FBF1: variants seen among roughly 807,000 people sequenced by gnomAD.
FBF1 encodes the protein Fas binding factor 1.
FBF1 carries 119 observed loss-of-function variants against 147.2 expected under a neutral mutation model. The ratio of observed to expected loss-of-function variants is 0.81; its 90% CI spans 0.70 to 0.94. FBF1 has a LOEUF of 0.94. Ranked by LOEUF, FBF1 falls within the 40% of genes least tolerant of loss-of-function variation. The pLI, the probability that FBF1 is intolerant of heterozygous loss-of-function variation, is 0.00. For synonymous variants in FBF1, 601 were observed against 609.0 expected (o/e 0.99, Z 0.19); for missense variants, 1,449 against 1,500.8 (o/e 0.97, Z 0.57).
Position 75,926,073 on chromosome 17 carries a change from CT to C in FBF1, c.824del (p.Glu275GlyfsTer7). ...TCTTGTCTAGCTTGAACTCCCTGTG[CT>C]CCCCGGTGCCCGGGCGGGCCAGGAG... ...TKLLARPGTG[E>X]HREFKLDKKY... On this transcript the variant is annotated frameshift_variant, in exon 12 of 30. Transcript: ENST00000636174. LOFTEE classifies it high-confidence loss of function. 6.2e-7 allele frequency: 1 copy of C among 1,612,612 alleles called. No homozygotes were observed. Among genetic ancestry groups the C allele is most frequent in the African/African-American group, 1.3e-5 (1 of 75,062 alleles).
intron 23 of FBF1, among the ~76,000 whole-genome samples, chr17:75,915,974 C>T (rs2065486350): frequency 7.2e-6 from 1 of 139,528 alleles, no homozygotes; most frequent in African/African-American, 2.8e-5. Flanking sequence ...CGCCACTACA[C>T]TACAGCCTGG....
Position 75,919,836 on chromosome 17 carries a change from C to G in FBF1, c.1970G>C (p.Arg657Pro), listed in dbSNP as rs764601669. The G allele has an allele frequency of 3.1e-6, 5 of 1,613,770 alleles. No homozygotes were observed. The highest frequency in any genetic ancestry group is 2.2e-5 in the South Asian group (2 of 91,092). The change falls in exon 20 of 30, where the codon CGG becomes CCG. Residue 657 changes from arginine to proline, a missense_variant. By Grantham distance (103) the Arg-to-Pro change is moderately radical. Transcript: ENST00000636174. The surrounding 1 kb of genome is among the most constrained non-coding windows in gnomAD (Gnocchi z 5.0). Reference protein sequence around the residue: ...IKVLETSYQQREERLRRENEE... With the variant: ...IKVLETSYQQPEERLRRENEE... ...GTTCTCTCTCCGGAGCCGCTCCTCC[C>G]GTTGCTGGTACGATGTTTCTAGCAC...
rs1237001131 is a variant in FBF1, at chr17:75,926,444, G to T, written c.596-18C>A. 2.0e-6 allele frequency: 3 copies of T among 1,536,420 alleles called. No homozygotes were observed. Among genetic ancestry groups the T allele is most frequent in the East Asian group, 2.3e-5 (1 of 43,928 alleles). Reference sequence around the variant, plus strand: ...AGAGGGACCTGAAAGACAAAACAAGGCCCAATGCCTGCAGCCTTCTTGCCC... The same window carrying T: ...AGAGGGACCTGAAAGACAAAACAAGTCCCAATGCCTGCAGCCTTCTTGCCC... On this transcript the variant is annotated intron_variant, in intron 10 of 29. Transcript: ENST00000636174.
Position 75,928,207 on chromosome 17 carries a change from G to C in FBF1, c.280-14C>G. On this transcript the variant is annotated splice_polypyrimidine_tract_variant and intron_variant, in intron 7 of 29. Coordinates refer to ENST00000636174, the MANE Select transcript of FBF1 (RefSeq NM_001319193.2). This position sits in a 1 kb window ranked among gnomAD's most constrained non-coding sequence, Gnocchi z 4.2. ...GCCGTCCAGGTCCTAGAAAACCAGGGAGGGAGGGCAGAGGACTATGTCTGA... is the reference window on the plus strand; with the variant it reads ...GCCGTCCAGGTCCTAGAAAACCAGGCAGGGAGGGCAGAGGACTATGTCTGA... 1.9e-6 allele frequency: 3 copies of C among 1,610,516 alleles called. No individual in the cohort carries two copies. The highest frequency in any genetic ancestry group is 2.5e-6 in the Non-Finnish European group (3 of 1,176,846).
At position 75,925,951 on chromosome 17, in the gene FBF1, T is replaced by A; in HGVS notation, c.868+79A>T. ...GTGTGTATCAGGATGTGAGGCTGAT[T>A]TCTCATTATAGGTTGTGATGAAAGC... On this transcript the variant is annotated intron_variant, in intron 12 of 29. Coordinates refer to ENST00000636174, the MANE Select transcript of FBF1 (RefSeq NM_001319193.2). This position sits in a 1 kb window ranked among gnomAD's most constrained non-coding sequence, Gnocchi z 5.0. The A allele has an allele frequency of 6.7e-7, 1 of 1,486,446 alleles. No homozygotes were observed. Among genetic ancestry groups the A allele is most frequent in the Admixed American group, 2.5e-5 (1 of 40,726 alleles). The allele number at this position is 1,486,446 out of a possible 1,614,324, so 92.1% of individuals were successfully genotyped here.
chr17:75,937,053 T>A (rs1410266855), intron 3 of FBF1, among the ~76,000 whole-genome samples: 4 of 152,120 alleles, frequency 2.6e-5, no homozygotes, highest in Admixed American at 6.6e-5. Context: ...AGGAGGAGGA[T>A]TTTTTCCAAA....
intron 7 of FBF1, 147 bp downstream of exon 7, chr17:75,929,850 G>C: frequency 2.8e-6 from 2 of 723,892 alleles, no homozygotes; most frequent in Non-Finnish European, 2.4e-6. Flanking sequence ...ACGGCTCACA[G>C]ACGAGTTCCA....
In FBF1 at chr17:75,920,060, C is replaced by G; in HGVS notation, c.1878G>C (p.Gly626=). The G allele has an allele frequency of 6.2e-7, 1 of 1,600,112 alleles. No individual in the cohort carries two copies. Among genetic ancestry groups the G allele is most frequent in the Non-Finnish European group, 8.5e-7 (1 of 1,173,934 alleles). Residue 626 remains glycine, a synonymous_variant, in exon 19 of 30, where the codon GGG becomes GGC. Coordinates refer to ENST00000636174, the MANE Select transcript of FBF1 (RefSeq NM_001319193.2). ...CTGCCTGGTGCTGCTGCTGCAGACTCCCCAGCAGCAGCTCATGCTGGGCCC... is the reference window on the plus strand; with the variant it reads ...CTGCCTGGTGCTGCTGCTGCAGACTGCCCAGCAGCAGCTCATGCTGGGCCC... The part of the protein sequence containing the change: ...LERAQHELLL[G]SLQQQHQADL...
chr17:75,921,501 C>T lies in FBF1; in HGVS notation c.1586G>A (p.Gly529Glu), dbSNP rs773223352. Residue 529 changes from glycine to glutamate, a missense_variant, in exon 16 of 30, where the codon GGA becomes GAA. Physicochemically the swap from Gly to Glu is moderately conservative, Grantham distance 98. Coordinates refer to ENST00000636174, the MANE Select transcript of FBF1 (RefSeq NM_001319193.2). ...GGCTGAGAGGTCTCCAGGGGCTGTTCCCCTCTTTGGGGAACCTGTAGGGAG... is the reference window on the plus strand; with the variant it reads ...GGCTGAGAGGTCTCCAGGGGCTGTTTCCCTCTTTGGGGAACCTGTAGGGAG... ...SALPTGSPKRGTAPGDLSATE... is the reference protein window; with the variant it reads ...SALPTGSPKRETAPGDLSATE... 1.9e-6 allele frequency: 3 copies of T among 1,613,034 alleles called. No homozygotes were observed. The highest frequency in any genetic ancestry group is 2.2e-5 in the East Asian group (1 of 44,874).
At chr17:75,934,460 C>T (rs1365252325) in intron 4 of FBF1, among the ~76,000 whole-genome samples, 1 of 151,186 alleles carries the variant, frequency 6.6e-6, no homozygotes, top group Non-Finnish European at 1.5e-5. Context: ...ACTTGGGAAG[C>T]TGAGGCACGA....
rs756100422 is a variant in FBF1 at position 75,910,079 on chromosome 17, T to C, written c.*644A>G. On this transcript the variant is annotated 3_prime_UTR_variant, in exon 30 of 30. Transcript: ENST00000636174. The surrounding 1 kb of genome is among the most constrained non-coding windows in gnomAD (Gnocchi z 4.1). ...TGGGGCACCCAGATGGGGAGGAAGC[T>C]GAGGAGGCCACTGTTCACCCAAACT... 1.7e-6 allele frequency: 1 copy of C among 602,882 alleles called. No homozygotes were observed. Among genetic ancestry groups the C allele is most frequent in the Non-Finnish European group, 3.1e-6 (1 of 322,458 alleles). 37.3% of individuals were successfully genotyped at this position (602,882 alleles called of 1,614,324 possible).
intron 3 of FBF1, 115 bp downstream of exon 3, chr17:75,937,451 T>C: frequency 2.5e-6 from 3 of 1,182,282 alleles, no homozygotes; most frequent in Non-Finnish European, 3.7e-6. Flanking sequence ...ATTACAGGTG[T>C]GAGCCACCGT....
At chr17:75,933,404 A>G (rs1241958717) in intron 4 of FBF1, among the ~76,000 whole-genome samples, 4 of 152,142 alleles carry the variant, frequency 2.6e-5, no homozygotes, top group Non-Finnish European at 5.9e-5. Context: ...GCTGGAATAC[A>G]TGGGCTGGAA....
chr17:75,926,890 G>A lies in FBF1; in HGVS notation c.476-13C>T, dbSNP rs2065565423. The A allele has an allele frequency of 1.9e-6, 3 of 1,606,032 alleles. No homozygotes were observed. Among genetic ancestry groups the A allele is most frequent in the Middle Eastern group, 1.7e-4 (1 of 6,046 alleles). On this transcript the variant is annotated splice_polypyrimidine_tract_variant and intron_variant, in intron 9 of 29. Coordinates refer to ENST00000636174, the MANE Select transcript of FBF1 (RefSeq NM_001319193.2). ...GGGTCTTCCAAGTCTCACAGCAGAA[G>A]GGAAAGCACAGGTCAGACTGCAGCA...
At chr17:75,926,679 T>C in intron 10 of FBF1, 79 bp downstream of exon 10, 1 of 1,549,370 alleles carries the variant, frequency 6.5e-7, no homozygotes. Flanking sequence ...AGGCCTCTGG[T>C]TCTGCACCAG....
chr17:75,916,964 C>T (rs1300159016), intron 23 of FBF1, among the ~76,000 whole-genome samples: 2 of 152,266 alleles, frequency 1.3e-5, no homozygotes, highest in Non-Finnish European at 2.9e-5. Flanking sequence ...GATTCTCCCA[C>T]CTCAGCCTCT....
intron 4 of FBF1, among the ~76,000 whole-genome samples, 192 bp from the exon 5 acceptor site, chr17:75,933,280 G>A (rs1361176487): frequency 6.6e-6 from 1 of 152,144 alleles, no homozygotes; most frequent in Non-Finnish European, 1.5e-5. Context: ...CAAGGAGGAA[G>A]TCAACCCTAA....
chr17:75,925,490 C>T lies in FBF1; in HGVS notation c.869-44G>A. ...GTGACCGTGATCTGGAGTAGGGGAACCAAGCTCATTTGCGGCTGCAAAATT... is the reference window on the plus strand; with the variant it reads ...GTGACCGTGATCTGGAGTAGGGGAATCAAGCTCATTTGCGGCTGCAAAATT... On this transcript the variant is annotated intron_variant, in intron 12 of 29. Transcript: ENST00000636174. The surrounding 1 kb of genome is among the most constrained non-coding windows in gnomAD (Gnocchi z 5.0). 1 of 1,544,984 alleles carries T rather than the reference C, an allele frequency of 6.5e-7. No individual in the cohort carries two copies. Among genetic ancestry groups the T allele is most frequent in the Non-Finnish European group, 8.8e-7 (1 of 1,134,280 alleles).
At chr17:75,934,406 C>G (rs1016073450) in intron 4 of FBF1, among the ~76,000 whole-genome samples, 8 of 151,938 alleles carry the variant, frequency 5.3e-5, no homozygotes, top group Admixed American at 3.3e-4. Flanking sequence ...ACTAAAAATA[C>G]AAAAAGTAGC....
Sources: allele counts gnomAD v4.1 joint callset (sites outside exome capture counted in the v4.1 genomes callset), GRCh38; gene constraint gnomAD v4.1.1; non-coding constraint Gnocchi (gnomAD v3.1); transcripts MANE v1.5; gene names NCBI Gene and HGNC (gene_info 2026-07-23, HGNC 2026-07-21).